The following MYO9B variants were observed in gnomAD, a reference collection of about 807,000 sequenced individuals.
The protein encoded by MYO9B is unconventional myosin-IXb.
Under a neutral mutation model 229.5 loss-of-function variants are expected in MYO9B, and 71 were observed. That is an observed-to-expected ratio of 0.31 (90% confidence interval 0.26 to 0.38). The LOEUF (loss-of-function observed/expected upper bound fraction) is 0.38, where lower values mean the gene tolerates loss of function less well. MYO9B is among the 10% of genes least tolerant of loss of function. The probability of loss-of-function intolerance (pLI) is 1.00; values close to 1 mark genes in which losing one functional copy is unlikely to be tolerated. For synonymous variants in MYO9B, 1,185 were observed against 1,235.8 expected, an observed-to-expected ratio of 0.96 and a Z score of 0.86; for missense variants, 2,255 against 2,920.5, an observed-to-expected ratio of 0.77 and a Z score of 5.25.
intron 2 of MYO9B, among the ~76,000 whole-genome samples, chr19:17,113,523 A>C (rs2057869265): frequency 6.6e-6 from 1 of 152,118 alleles, no homozygotes; most frequent in South Asian, 2.1e-4. Flanking sequence ...ATCCACACAA[A>C]CATCTAGGTC....
At chr19:17,185,762 G>A (rs533448950) in intron 17 of MYO9B, among the ~76,000 whole-genome samples, 159 bp from the exon 18 acceptor site, 57 of 152,222 alleles carry the variant, frequency 3.7e-4, no homozygotes, top group African/African-American at 1.2e-3. Context: ...GGGTCAGAAC[G>A]TCCAGCTGGA....
Position 17,210,331 on chromosome 19 carries a change from A to G in MYO9B, c.5749-2A>G. 1 of 1,596,408 alleles carries G rather than the reference A, an allele frequency of 6.3e-7. No homozygotes were observed. The highest frequency in any genetic ancestry group is 1.1e-5 in the South Asian group (1 of 87,924). On this transcript the variant is annotated splice_acceptor_variant, in intron 36 of 39. Transcript: ENST00000682292. LOFTEE classifies it high-confidence loss of function. ...GTCACCCTGTGTTCATCTCTCTCCC[A>G]GCCATGGCCTCTCAAACTGGGGTTT...
Position 17,167,740 on chromosome 19 carries a change from A to G in MYO9B, c.1672-203A>G, listed in dbSNP as rs897569100. Among the ~76,000 whole-genome samples, 4 of 152,102 alleles carry G rather than the reference A, an allele frequency of 2.6e-5. No individual in the cohort carries two copies. The South Asian group carries it at 6.2e-4, about 24-fold the overall frequency. On this transcript the variant is annotated intron_variant, in intron 10 of 39. Coordinates refer to ENST00000682292, the MANE Select transcript of MYO9B (RefSeq NM_004145.4). ...GTGATCCACCTGCCTTGGCCTCCCAAAGTGCTGGGATTACAGGCGTGAGCC... is the reference window on the plus strand; with the variant it reads ...GTGATCCACCTGCCTTGGCCTCCCAGAGTGCTGGGATTACAGGCGTGAGCC...
intron 2 of MYO9B, among the ~76,000 whole-genome samples, chr19:17,127,927 A>C (rs1380616749): frequency 6.6e-6 from 1 of 152,250 alleles, no homozygotes; most frequent in Non-Finnish European, 1.5e-5. Flanking sequence ...CTGCTAAGGC[A>C]GAGATTTTTC....
At chr19:17,087,902 C>T (rs1224206361) in intron 1 of MYO9B, among the ~76,000 whole-genome samples, 2 of 148,056 alleles carry the variant, frequency 1.4e-5, no homozygotes, top group Non-Finnish European at 3.0e-5. Flanking sequence ...TGCACTCCAC[C>T]GTGGGCAACA....
At chr19:17,162,958 G>T in intron 9 of MYO9B, 30 bp from the exon 10 acceptor site, 1 of 1,601,006 alleles carries the variant, frequency 6.2e-7, no homozygotes, top group Non-Finnish European at 8.5e-7. Flanking sequence ...TGCACCTGCG[G>T]GCAGTGACCA....
chr19:17,114,146 T>G (rs2057876411), intron 2 of MYO9B, among the ~76,000 whole-genome samples: 1 of 152,220 alleles, frequency 6.6e-6, no homozygotes, highest in Non-Finnish European at 1.5e-5. Context: ...CACCCCCCAG[T>G]TGAGAACTGC....
In MYO9B at chr19:17,208,190, C is replaced by T. The variant is rs144268495; in HGVS notation, c.5624+946C>T. ...AAAAAATAAAAAATATATATATAAA[C>T]TAGCCAGGTGTGGTGGCAGGCGCCT... On this transcript the variant is annotated intron_variant, in intron 35 of 39. Coordinates refer to ENST00000682292, the MANE Select transcript of MYO9B (RefSeq NM_004145.4). Among the ~76,000 whole-genome samples the T allele has an allele frequency of 1.8e-4, 26 of 144,154 alleles. No individual in the cohort carries two copies. The East Asian group carries it at 5.4e-3, about 30-fold the overall frequency. 94.6% of individuals were successfully genotyped at this position (144,154 alleles called of 152,430 possible). A position where few individuals can be genotyped will look rare whatever the true frequency, so the allele number is the denominator to read the frequency against.
At chr19:17,084,306 C>G (rs1218317805) in intron 1 of MYO9B, among the ~76,000 whole-genome samples, 1 of 151,564 alleles carries the variant, frequency 6.6e-6, no homozygotes, top group African/African-American at 2.4e-5. Flanking sequence ...CCACTGCACT[C>G]CAGCCTGGGT....
intron 3 of MYO9B, among the ~76,000 whole-genome samples, chr19:17,146,531 G>T (rs185426885): frequency 6.7e-6 from 1 of 150,102 alleles, no homozygotes; most frequent in Non-Finnish European, 1.5e-5. Context: ...GAGTAGATTT[G>T]TGGGTGTGTG....
chr19:17,173,101 G>T, intron 13 of MYO9B, 138 bp downstream of exon 13: 2 of 1,089,086 alleles, frequency 1.8e-6, no homozygotes, highest in Non-Finnish European at 2.6e-6. Flanking sequence ...TACCTGAAGT[G>T]TTCCTGTCAC....
chr19:17,135,936 A>G (rs1227757424), intron 2 of MYO9B, among the ~76,000 whole-genome samples: 1 of 152,016 alleles, frequency 6.6e-6, no homozygotes, highest in East Asian at 1.9e-4. Flanking sequence ...CAGGCTTTAC[A>G]CCAAGGTACT....
chr19:17,197,930 T>A, intron 23 of MYO9B, 72 bp downstream of exon 23: 2 of 1,556,406 alleles, frequency 1.3e-6, no homozygotes, highest in Non-Finnish European at 1.8e-6. Context: ...GGCGCTTGCC[T>A]GTAACCCCAG....
chr19:17,101,979 G>A lies in MYO9B; in HGVS notation c.262G>A (p.Val88Met), dbSNP rs1387424238. The A allele has an allele frequency of 1.2e-6, 2 of 1,613,164 alleles. No individual in the cohort carries two copies. The highest frequency in any genetic ancestry group is 1.7e-5 in the Admixed American group (1 of 59,978). ...CGCCAACGACTCGCCTGTGCACCGG[G>A]TGCTGCTATGGCCCCGGCGGGCACA... The part of the protein sequence containing the change: ...LDANDSPVHR[V>M]LLWPRRAQDE... Residue 88 changes from valine (V) to methionine (M), a missense_variant, in exon 2 of 40, where the codon GTG (valine) becomes ATG (methionine). By Grantham distance (21) the Val-to-Met change is conservative. Transcript: ENST00000682292. The surrounding 1 kb of genome is among the most constrained non-coding windows in gnomAD (Gnocchi z 4.7).
At chr19:17,169,201 G>A (rs1294681928) in intron 11 of MYO9B, among the ~76,000 whole-genome samples, 6 of 151,422 alleles carry the variant, frequency 4.0e-5, no homozygotes, top group Admixed American at 6.6e-5. Context: ...GTGAAGCCCC[G>A]TCTCTACTGA....
intron 2 of MYO9B, among the ~76,000 whole-genome samples, chr19:17,144,969 C>CAAAAAAAAA (rs58527501): frequency 2.4e-5 from 2 of 83,554 alleles, no homozygotes; most frequent in Admixed American, 1.3e-4. Flanking sequence ...GACTTCATCT[C>CAAAAAAAAA]AAAAAAAAAA....
chr19:17,086,377 C>A (rs1444931447), intron 1 of MYO9B, among the ~76,000 whole-genome samples: 1 of 152,236 alleles, frequency 6.6e-6, no homozygotes, highest in Non-Finnish European at 1.5e-5. Flanking sequence ...ACGTCCAGCT[C>A]GTTTGCACTG....
At chr19:17,109,254 A>T (rs1014127568) in intron 2 of MYO9B, among the ~76,000 whole-genome samples, 21 of 150,448 alleles carry the variant, frequency 1.4e-4, no homozygotes, top group African/African-American at 5.1e-4. Flanking sequence ...TTTAGTAGAG[A>T]TGGGGTTTCA....
intron 1 of MYO9B, among the ~76,000 whole-genome samples, chr19:17,096,216 G>T (rs1329808777): frequency 6.6e-6 from 1 of 152,120 alleles, no homozygotes; most frequent in African/African-American, 2.4e-5. Flanking sequence ...CATTCGGTGG[G>T]TGGACATTTG....
Sources: allele counts gnomAD v4.1 joint callset (sites outside exome capture counted in the v4.1 genomes callset), GRCh38; gene constraint gnomAD v4.1.1; non-coding constraint Gnocchi (gnomAD v3.1); transcripts MANE v1.5; gene names NCBI Gene and HGNC (gene_info 2026-07-23, HGNC 2026-07-21).